Variants in HCN1 observed in about 807,000 individuals in gnomAD.
HCN1 encodes hyperpolarization activated cyclic nucleotide gated potassium channel 1, also known as potassium/sodium hyperpolarization-activated cyclic nucleotide-gated channel 1.
A neutral mutation model predicts 78.9 loss-of-function variants in HCN1; 13 were observed. The observed-to-expected ratio is 0.16, with a 90% CI of 0.11 to 0.26. The LOEUF (loss-of-function observed/expected upper bound fraction) is 0.26, where lower values mean the gene tolerates loss of function less well. HCN1 is among the 10% of genes least tolerant of loss of function. HCN1 has a pLI of 1.00. For synonymous variants in HCN1, 552 were observed against 455.5 expected (o/e 1.21, Z -2.70); for missense variants, 810 against 1,154.3 (o/e 0.70, Z 4.32).
chr5:45,513,424 T>C (rs918836251), intron 2 of HCN1, among the ~76,000 whole-genome samples: 4 of 152,104 alleles, frequency 2.6e-5, no homozygotes, highest in Non-Finnish European at 5.9e-5. Flanking sequence ...ATCAAGATAA[T>C]TCCTACCTAC....
At chr5:45,657,267 T>A (rs2112050176) in intron 1 of HCN1, among the ~76,000 whole-genome samples, 1 of 152,328 alleles carries the variant, frequency 6.6e-6, no homozygotes, top group East Asian at 1.9e-4. Flanking sequence ...GAATATCCAC[T>A]CCAATTCACT....
At chr5:45,566,113 T>A (rs926941600) in intron 2 of HCN1, among the ~76,000 whole-genome samples, 1 of 152,168 alleles carries the variant, frequency 6.6e-6, no homozygotes, top group Admixed American at 6.6e-5. Context: ...ATTTATTTTA[T>A]CATTCTAACA....
chr5:45,453,532 A>G (rs1740965769), intron 3 of HCN1, among the ~76,000 whole-genome samples: 1 of 152,104 alleles, frequency 6.6e-6, no homozygotes, highest in Non-Finnish European at 1.5e-5. Context: ...CAGTGCAGCC[A>G]ATTCATGGTT....
chr5:45,535,124 T>C (rs574059758), intron 2 of HCN1, among the ~76,000 whole-genome samples: 4 of 152,298 alleles, frequency 2.6e-5, no homozygotes, highest in South Asian at 2.1e-4. Context: ...ATGCAAATCA[T>C]AGGATCTTTA....
rs1428331128 is a variant in HCN1 at position 45,373,405 on chromosome 5, A to AT, written c.1231-20160_1231-20159insA. On this transcript the variant is annotated intron_variant, in intron 4 of 7. Transcript: ENST00000303230. ...TAATATATGTAAATATATATTATAT[A>AT]AAATATATTATAATATATATCCCTC... is the stretch of plus-strand genomic sequence containing the variant. Among the ~76,000 whole-genome samples, 10 of 133,540 alleles carry AT rather than the reference A, an allele frequency of 7.5e-5. No homozygotes were observed. The East Asian group carries it at 2.0e-3, about 27-fold the overall frequency. 87.6% of individuals were successfully genotyped at this position (133,540 alleles called of 152,430 possible).
intron 2 of HCN1, among the ~76,000 whole-genome samples, chr5:45,625,676 G>GA (rs1318835236): frequency 1.3e-5 from 2 of 151,718 alleles, no homozygotes; most frequent in African/African-American, 4.8e-5. Context: ...AAAGGGATAT[G>GA]AAAAACATAG....
Position 45,288,227 on chromosome 5 carries a change from C to T in HCN1, c.1618+15372G>A, listed in dbSNP as rs889547351. 3.3e-5 allele frequency among the ~76,000 whole-genome samples: 5 copies of T among 152,050 alleles called. No individual in the cohort carries two copies. The East Asian group carries it at 9.7e-4, about 29-fold the overall frequency. ...AAAGTGGCAGTTATTTTTTAACCACCGGAGCATGAATCATCACAAATCTCA... is the reference window on the plus strand; with the variant it reads ...AAAGTGGCAGTTATTTTTTAACCACTGGAGCATGAATCATCACAAATCTCA... On this transcript the variant is annotated intron_variant, in intron 6 of 7. Transcript: ENST00000303230.
chr5:45,563,489 A>G (rs1488897276), intron 2 of HCN1, among the ~76,000 whole-genome samples: 1 of 151,950 alleles, frequency 6.6e-6, no homozygotes, highest in Non-Finnish European at 1.5e-5. Flanking sequence ...AAAAATATAT[A>G]TAGTGGAATC....
At chr5:45,287,866 C>T (rs925526217) in intron 6 of HCN1, among the ~76,000 whole-genome samples, 3 of 152,086 alleles carry the variant, frequency 2.0e-5, no homozygotes, top group African/African-American at 7.2e-5. Context: ...TTACACGCAT[C>T]TACTGCTTTA....
intron 5 of HCN1, among the ~76,000 whole-genome samples, chr5:45,348,109 C>G (rs935606309): frequency 8.6e-5 from 13 of 152,030 alleles, no homozygotes; most frequent in African/African-American, 3.1e-4. Context: ...TCAGGGCAGC[C>G]AGAGAGAAAG....
chr5:45,607,238 T>C (rs1023474725), intron 2 of HCN1, among the ~76,000 whole-genome samples: 25 of 151,888 alleles, frequency 1.6e-4, no homozygotes, highest in African/African-American at 5.8e-4. Context: ...AAATGGGACA[T>C]TATCAAGGAA....
chr5:45,442,046 T>C (rs1740689192), intron 3 of HCN1, among the ~76,000 whole-genome samples: 1 of 152,156 alleles, frequency 6.6e-6, no homozygotes, highest in African/African-American at 2.4e-5. Context: ...TTTAACTTTA[T>C]TTATGTATTT....
At chr5:45,277,898 T>C (rs1220420221) in intron 6 of HCN1, among the ~76,000 whole-genome samples, 1 of 152,076 alleles carries the variant, frequency 6.6e-6, no homozygotes, top group Non-Finnish European at 1.5e-5. Context: ...AGTGCATGAG[T>C]TGTGAGAATG....
At chr5:45,370,355 C>G (rs545858302) in intron 4 of HCN1, among the ~76,000 whole-genome samples, 1 of 151,754 alleles carries the variant, frequency 6.6e-6, no homozygotes, top group African/African-American at 2.4e-5. Flanking sequence ...AAATAATGTC[C>G]CATTACATTA....
intron 1 of HCN1, among the ~76,000 whole-genome samples, chr5:45,694,653 G>A (rs1238493306): frequency 1.3e-5 from 2 of 152,156 alleles, no homozygotes. Context: ...TGAGTTATTA[G>A]GAGTTACTAG....
intron 6 of HCN1, among the ~76,000 whole-genome samples, chr5:45,281,733 G>T (rs533778803): frequency 1.1e-3 from 165 of 151,652 alleles, no homozygotes; most frequent in Admixed American, 2.8e-3. Flanking sequence ...GACTACAGGT[G>T]CCCGCCACCA....
At chr5:45,504,346 C>T (rs1186281924) in intron 2 of HCN1, among the ~76,000 whole-genome samples, 15 of 151,918 alleles carry the variant, frequency 9.9e-5, no homozygotes, top group Non-Finnish European at 1.3e-4. Context: ...TGAGAACATT[C>T]GGTGTTTGGT....
At chr5:45,299,338 AG>A (rs1745560349) in intron 6 of HCN1, among the ~76,000 whole-genome samples, 1 of 152,030 alleles carries the variant, frequency 6.6e-6, no homozygotes, top group South Asian at 2.1e-4. Context: ...GTAAATATAA[AG>A]CCCCTGTAAT....
chr5:45,329,618 A>T (rs775175004), intron 5 of HCN1, among the ~76,000 whole-genome samples: 5 of 151,496 alleles, frequency 3.3e-5, no homozygotes, highest in Admixed American at 6.6e-5. Flanking sequence ...ATGATCATAG[A>T]ATAAATTATT....
Sources: gnomAD v4.1 joint callset for allele counts (sites outside exome capture counted in the v4.1 genomes callset) on GRCh38, gnomAD v4.1.1 for gene constraint, MANE v1.5 for transcripts, NCBI Gene and HGNC (gene_info 2026-07-23, HGNC 2026-07-21) for gene names.